FAM193A: variants seen among roughly 807,000 people sequenced by gnomAD.
FAM193A encodes the protein family with sequence similarity 193 member A.
FAM193A carries 22 observed loss-of-function variants against 126.5 expected under a neutral mutation model. That is an observed-to-expected ratio of 0.17 (90% CI 0.12 to 0.25). FAM193A has a LOEUF of 0.25. Ranked by LOEUF, FAM193A falls within the 10% of genes least tolerant of loss-of-function variation. The pLI is 1.00. For synonymous variants in FAM193A, 761 were observed against 646.8 expected (o/e 1.18, Z -2.68); for missense variants, 1,675 against 1,672.8 (o/e 1.00, Z -0.02).
intron 20 of FAM193A, among the ~76,000 whole-genome samples, chr4:2,728,187 C>T (rs1244839456): frequency 6.7e-6 from 1 of 150,188 alleles, no homozygotes; most frequent in Non-Finnish European, 1.5e-5. Context: ...CACCTTACCT[C>T]GGCCTCCCAA....
chr4:2,600,988 C>T (rs1235267401), intron 2 of FAM193A, among the ~76,000 whole-genome samples: 2 of 152,160 alleles, frequency 1.3e-5, no homozygotes, highest in African/African-American at 2.4e-5. Flanking sequence ...ACCAGCGTGG[C>T]ACATGCCTGT....
intron 1 of FAM193A, among the ~76,000 whole-genome samples, chr4:2,546,402 C>T (rs960461299): frequency 6.6e-6 from 1 of 152,070 alleles, no homozygotes; most frequent in Admixed American, 6.6e-5. Flanking sequence ...ACAAAAACTC[C>T]CTCATGTTAT....
intron 19 of FAM193A, among the ~76,000 whole-genome samples, chr4:2,703,797 C>G (rs1718002868): frequency 9.9e-6 from 1 of 101,000 alleles, no homozygotes; most frequent in East Asian, 2.7e-4. Context: ...GACCCCATCT[C>G]TACTAAAAAA....
intron 5 of FAM193A, among the ~76,000 whole-genome samples, chr4:2,633,136 G>A (rs949076528): frequency 5.3e-5 from 8 of 152,148 alleles, no homozygotes; most frequent in African/African-American, 1.2e-4. Flanking sequence ...GGTGGCTCAC[G>A]CCTGTAATTC....
chr4:2,649,397 G>A (rs1264245774), intron 7 of FAM193A, among the ~76,000 whole-genome samples: 1 of 150,698 alleles, frequency 6.6e-6, no homozygotes, highest in Non-Finnish European at 1.5e-5. Flanking sequence ...AAAAAGCCAG[G>A]CTTAGTGGCT....
At chr4:2,584,425 C>CA (rs371307978) in intron 1 of FAM193A, among the ~76,000 whole-genome samples, 2,806 of 60,536 alleles carry the variant, frequency 0.046, 89 homozygotes, top group African/African-American at 0.12. Flanking sequence ...GATTCCGTCT[C>CA]AAAAAAAAAA....
At chr4:2,617,002 C>G (rs1742227346) in intron 2 of FAM193A, among the ~76,000 whole-genome samples, 1 of 146,044 alleles carries the variant, frequency 6.8e-6, no homozygotes, top group Admixed American at 6.7e-5. Context: ...AACCCCGTCT[C>G]TACTAAAATA....
intron 2 of FAM193A, among the ~76,000 whole-genome samples, chr4:2,601,665 G>GATTGCC (rs1397468559): frequency 6.6e-6 from 1 of 151,388 alleles, no homozygotes; most frequent in Non-Finnish European, 1.5e-5. Flanking sequence ...GAAGCAGGAG[G>GATTGCC]ATTGCTTGAG....
chr4:2,697,480 C>T (rs1179759000), intron 18 of FAM193A, among the ~76,000 whole-genome samples: 1 of 152,206 alleles, frequency 6.6e-6, no homozygotes, highest in Non-Finnish European at 1.5e-5. Context: ...CCTCAGTGAG[C>T]AGATGTGGGC....
chr4:2,730,736 T>TA (rs1721283906), intron 20 of FAM193A, among the ~76,000 whole-genome samples: 1 of 144,778 alleles, frequency 6.9e-6, no homozygotes, highest in African/African-American at 2.6e-5. Context: ...CTACAAAAAA[T>TA]ACAAAAATTA....
chr4:2,596,635 C>T (rs1397344068), intron 2 of FAM193A, among the ~76,000 whole-genome samples: 1 of 152,188 alleles, frequency 6.6e-6, no homozygotes, highest in Non-Finnish European at 1.5e-5. Context: ...AAAGGGAGTA[C>T]AATTTTCATG....
chr4:2,611,435 AT>A (rs1004764160), intron 2 of FAM193A, among the ~76,000 whole-genome samples: 5 of 147,730 alleles, frequency 3.4e-5, no homozygotes, highest in African/African-American at 5.0e-5. Context: ...TGCATAGTTA[AT>A]TTTTTTTTTG....
intron 19 of FAM193A, among the ~76,000 whole-genome samples, 181 bp from the exon 20 acceptor site, chr4:2,715,842 C>T (rs1677241069): frequency 6.6e-6 from 1 of 152,188 alleles, no homozygotes; most frequent in South Asian, 2.1e-4. Context: ...CTGCAGTTTC[C>T]AGGTCAGACC....
intron 6 of FAM193A, among the ~76,000 whole-genome samples, chr4:2,642,718 C>G (rs17164015): frequency 0.029 from 4,302 of 150,300 alleles, 224 homozygotes; most frequent in African/African-American, 0.1. Flanking sequence ...GGAAGTGCAT[C>G]ATAAAACTCC....
intron 2 of FAM193A, 53 bp downstream of exon 2, chr4:2,596,382 T>C: frequency 1.5e-6 from 1 of 681,506 alleles, no homozygotes; most frequent in Admixed American, 2.1e-5. Context: ...CCCGCCCAGG[T>C]TATGGGGTAA....
chr4:2,621,896 G>A (rs1358623989), intron 2 of FAM193A, among the ~76,000 whole-genome samples: 1 of 152,072 alleles, frequency 6.6e-6, no homozygotes, highest in Non-Finnish European at 1.5e-5. Context: ...GAACTCCATG[G>A]CCTTCCAGCC....
chr4:2,642,033 G>A (rs1350209951), intron 6 of FAM193A, among the ~76,000 whole-genome samples: 4 of 151,458 alleles, frequency 2.6e-5, no homozygotes, highest in African/African-American at 9.7e-5. Context: ...GCTCATGCCT[G>A]TAATGCCAGC....
At chr4:2,553,277 G>A (rs1174240527) in intron 1 of FAM193A, among the ~76,000 whole-genome samples, 2 of 152,040 alleles carry the variant, frequency 1.3e-5, no homozygotes, top group African/African-American at 4.8e-5. Flanking sequence ...TGTAATGCGC[G>A]ATGATAGGAC....
At chr4:2,710,851 CTT>C (rs35045989) in intron 19 of FAM193A, among the ~76,000 whole-genome samples, 184 of 116,252 alleles carry the variant, frequency 1.6e-3, no homozygotes, top group African/African-American at 4.2e-3. Flanking sequence ...TCTGTGCTTT[CTT>C]TTTTTTTTTT....
Sources: allele counts gnomAD v4.1 joint callset (sites outside exome capture counted in the v4.1 genomes callset), GRCh38; gene constraint gnomAD v4.1.1; transcripts MANE v1.5; gene names NCBI Gene and HGNC (gene_info 2026-07-23, HGNC 2026-07-21).